The following HECTD4 variants were observed in gnomAD, a reference collection of about 807,000 sequenced individuals.
HECTD4 encodes the protein probable E3 ubiquitin-protein ligase HECTD4.
HECTD4 carries 114 observed loss-of-function variants against 471.5 expected under a neutral mutation model. That is an observed-to-expected ratio of 0.24 (90% CI 0.21 to 0.28). HECTD4 has a LOEUF of 0.28. Ranked by LOEUF, HECTD4 falls within the 10% of genes least tolerant of loss-of-function variation. The pLI, the probability that HECTD4 is intolerant of heterozygous loss-of-function variation, is 1.00. For synonymous variants in HECTD4, 2,012 were observed against 2,256.0 expected, an observed-to-expected ratio of 0.89 and a Z score of 3.07; for missense variants, 3,866 against 5,651.5, an observed-to-expected ratio of 0.68 and a Z score of 10.13.
At chr12:112,294,217 G>A (rs542595542) in intron 7 of HECTD4, among the ~76,000 whole-genome samples, 4 of 152,116 alleles carry the variant, frequency 2.6e-5, no homozygotes, top group Non-Finnish European at 5.9e-5. Flanking sequence ...ATACTCCTAA[G>A]TATTGGAGTG....
Position 112,212,608 on chromosome 12 carries a change from G to A in HECTD4, c.7508C>T (p.Pro2503Leu), listed in dbSNP as rs1473071883. 3.1e-6 allele frequency: 5 copies of A among 1,613,654 alleles called. No homozygotes were observed. The highest frequency in any genetic ancestry group is 4.2e-6 in the Non-Finnish European group (5 of 1,179,816). ...GIGWERTEGT[P>L]PPPGQPAKGR... ...CTTGGCTGGCTGTCCCGGAGGAGGT[G>A]GAGTCCCCTCAGTTCTCTCCCAGCC... is the stretch of plus-strand genomic sequence containing the variant. Residue 2503 changes from proline (P) to leucine (L), a missense_variant, in exon 49 of 76, where the codon CCA becomes CTA. Physicochemically the swap from Pro to Leu is moderately conservative, Grantham distance 98. Coordinates refer to ENST00000682272, the MANE Select transcript of HECTD4 (RefSeq NM_001388303.1).
intron 54 of HECTD4, among the ~76,000 whole-genome samples, chr12:112,201,721 G>A (rs2032436332): frequency 6.6e-6 from 1 of 152,040 alleles, no homozygotes; most frequent in South Asian, 2.1e-4. Context: ...TCATAAGTTA[G>A]CAATTTAAAG....
At chr12:112,224,251 G>C (rs1164274212) in intron 44 of HECTD4, among the ~76,000 whole-genome samples, 2 of 151,588 alleles carry the variant, frequency 1.3e-5, no homozygotes, top group Non-Finnish European at 2.9e-5. Flanking sequence ...AACCTAATAA[G>C]TGAGTTATTA....
intron 10 of HECTD4, among the ~76,000 whole-genome samples, chr12:112,274,487 C>T (rs987924286): frequency 6.6e-6 from 1 of 152,206 alleles, no homozygotes; most frequent in Non-Finnish European, 1.5e-5. Context: ...AGGAAGATTG[C>T]TTGAGCCTAG....
intron 55 of HECTD4, among the ~76,000 whole-genome samples, chr12:112,195,866 A>G (rs2032225738): frequency 6.6e-6 from 1 of 152,234 alleles, no homozygotes; most frequent in Non-Finnish European, 1.5e-5. Context: ...ATTAGTGCCT[A>G]AGCACGTCTT....
intron 55 of HECTD4, 69 bp from the exon 56 acceptor site, chr12:112,195,135 G>T (rs531839900): frequency 5.8e-6 from 8 of 1,389,272 alleles, no homozygotes; most frequent in Non-Finnish European, 7.8e-6. Flanking sequence ...GGACCAGGCC[G>T]CAGGTTCTGA....
chr12:112,284,591 TAC>T (rs986473471), intron 7 of HECTD4, among the ~76,000 whole-genome samples: 11 of 152,316 alleles, frequency 7.2e-5, no homozygotes, highest in Non-Finnish European at 1.6e-4. Context: ...AAAGATTTGT[TAC>T]AGAGTCCAAA....
chr12:112,198,909 G>C, intron 55 of HECTD4, among the ~76,000 whole-genome samples: 1 of 152,134 alleles, frequency 6.6e-6, no homozygotes, highest in East Asian at 1.9e-4. Flanking sequence ...GTCTAAATGG[G>C]GAGGACTGTG....
At chr12:112,186,663 T>C (rs1224890534) in intron 60 of HECTD4, among the ~76,000 whole-genome samples, 1 of 134,208 alleles carries the variant, frequency 7.5e-6, no homozygotes, top group African/African-American at 2.7e-5. Context: ...TTTAAGCTGC[T>C]TTTTTTTTTT....
chr12:112,377,809 G>A (rs1263280952), intron 1 of HECTD4, among the ~76,000 whole-genome samples: 1 of 152,118 alleles, frequency 6.6e-6, no homozygotes, highest in East Asian at 1.9e-4. Flanking sequence ...GGTGGAGGTT[G>A]CAGTGAGCCG....
At chr12:112,167,263 G>A (rs1291114391) in intron 72 of HECTD4, 54 bp downstream of exon 72, 5 of 1,500,000 alleles carry the variant, frequency 3.3e-6, no homozygotes, top group Non-Finnish European at 4.5e-6. Context: ...CCTAAGCAAG[G>A]TGGCGGGGAG....
chr12:112,338,920 C>A (rs2036005419), intron 1 of HECTD4, among the ~76,000 whole-genome samples: 1 of 152,096 alleles, frequency 6.6e-6, no homozygotes, highest in African/African-American at 2.4e-5. Context: ...CAAGAATACG[C>A]CCCTATGACC....
At chr12:112,329,148 C>T (rs1218388119) in intron 1 of HECTD4, among the ~76,000 whole-genome samples, 1 of 152,136 alleles carries the variant, frequency 6.6e-6, no homozygotes, top group Non-Finnish European at 1.5e-5. Context: ...AATGCCTACC[C>T]GACTCAGTGT....
At chr12:112,241,717 C>G (rs1245691749) in intron 32 of HECTD4, among the ~76,000 whole-genome samples, 1 of 152,164 alleles carries the variant, frequency 6.6e-6, no homozygotes, top group East Asian at 1.9e-4. Context: ...GCTTTGGCCT[C>G]CTTAAGTGCT....
intron 67 of HECTD4, among the ~76,000 whole-genome samples, chr12:112,171,548 G>GT (rs2031222134): frequency 6.6e-6 from 1 of 152,228 alleles, no homozygotes; most frequent in Admixed American, 6.5e-5. Flanking sequence ...CACTACGTTA[G>GT]TTTTTGACTT....
rs1036442287 is a variant in HECTD4, at chr12:112,194,060, G to T, written c.8750-386C>A. Among the ~76,000 whole-genome samples, 1 of 152,170 alleles carries T rather than the reference G, an allele frequency of 6.6e-6. No individual in the cohort carries two copies. Among genetic ancestry groups the T allele is most frequent in the African/African-American group, 2.4e-5 (1 of 41,444 alleles). On this transcript the variant is annotated intron_variant, in intron 56 of 75. Transcript: ENST00000682272. The surrounding 1 kb of genome is among the most constrained non-coding windows in gnomAD (Gnocchi z 4.6). ...TAGGGCACAGCCTGTAGAGAAACTT[G>T]TTAGATCATCAGGGCAAAGCTTCTG...
At chr12:112,189,931 T>G (rs548255202) in intron 60 of HECTD4, among the ~76,000 whole-genome samples, 3 of 152,242 alleles carry the variant, frequency 2.0e-5, no homozygotes, top group Admixed American at 1.3e-4. Context: ...TTTTTTGTAT[T>G]TAGTAGAGAC....
intron 60 of HECTD4, among the ~76,000 whole-genome samples, chr12:112,189,202 T>A (rs1201757804): frequency 6.6e-6 from 1 of 152,162 alleles, no homozygotes; most frequent in Non-Finnish European, 1.5e-5. Flanking sequence ...TGCCAACATT[T>A]AAAAATTGAG....
chr12:112,185,476 T>C lies in HECTD4; in HGVS notation c.9490A>G (p.Thr3164Ala), dbSNP rs772131700. The C allele has an allele frequency of 5.8e-6, 9 of 1,555,036 alleles. No homozygotes were observed. Among genetic ancestry groups the C allele is most frequent in the Non-Finnish European group, 7.0e-6 (8 of 1,148,636 alleles). The change falls in exon 61 of 76, where the codon ACG becomes GCG. Residue 3164 changes from threonine to alanine, a missense_variant. Physicochemically the swap from Thr to Ala is moderately conservative, Grantham distance 58. This residue lies in a region of HECTD4 where 364 missense variants were observed against 413.2 expected (regional missense o/e 0.88). Transcript: ENST00000682272. Reference protein sequence around the residue: ...VELLGNFLWTTDMAACVKELV... With the variant: ...VELLGNFLWTADMAACVKELV... ...TCCTTCACGCAGGCTGCCATGTCCG[T>C]GGTCCACAAGAAGTTTCCTGAGGCA...
Sources: gnomAD v4.1 joint callset for allele counts (sites outside exome capture counted in the v4.1 genomes callset) on GRCh38, gnomAD v4.1.1 for gene constraint, gnomAD v4.1.1 regional missense constraint, Gnocchi (gnomAD v3.1) non-coding constraint, MANE v1.5 for transcripts, NCBI Gene and HGNC (gene_info 2026-07-23, HGNC 2026-07-21) for gene names.